ADAMTS19: variants seen among roughly 807,000 people sequenced by gnomAD.
The protein encoded by ADAMTS19 is A disintegrin and metalloproteinase with thrombospondin motifs 19.
Under a neutral mutation model 153.3 loss-of-function variants are expected in ADAMTS19, and 93 were observed. The observed-to-expected ratio is 0.61, with a 90% CI of 0.51 to 0.72. The LOEUF (loss-of-function observed/expected upper bound fraction) is 0.72, where lower values mean the gene tolerates loss of function less well. ADAMTS19 is among the 30% of genes least tolerant of loss of function. ADAMTS19 has a pLI of 0.00. For synonymous variants in ADAMTS19, 600 were observed against 556.6 expected (o/e 1.08, Z -1.10); for missense variants, 1,482 against 1,552.1 (o/e 0.95, Z 0.76).
chr5:129,488,780 A>T (rs896024096), intron 2 of ADAMTS19, among the ~76,000 whole-genome samples: 2 of 152,092 alleles, frequency 1.3e-5, no homozygotes, highest in African/African-American at 4.8e-5. Flanking sequence ...AATAATGACT[A>T]CTGAAGAAAA....
intron 21 of ADAMTS19, among the ~76,000 whole-genome samples, chr5:129,719,089 C>A (rs970531647): frequency 6.6e-6 from 1 of 151,120 alleles, no homozygotes; most frequent in African/African-American, 2.4e-5. Context: ...GTTTTTTTTT[C>A]CTTTAAGAAT....
At chr5:129,538,954 C>A (rs1255147045) in intron 6 of ADAMTS19, among the ~76,000 whole-genome samples, 1 of 152,102 alleles carries the variant, frequency 6.6e-6, no homozygotes, top group Non-Finnish European at 1.5e-5. Flanking sequence ...CCAACTTCTA[C>A]TCTGCTCTCC....
At position 129,669,176 on chromosome 5, in the gene ADAMTS19, G is replaced by A. The variant is rs137915375; in HGVS notation, c.2506+3597G>A. On this transcript the variant is annotated intron_variant, in intron 16 of 22. Transcript: ENST00000274487. Reference sequence around the variant, plus strand: ...ACAGTCTTTTTCTCCGGTGGTGCTGGGAAATCTAGATATCCACATGCAAAA... The same window carrying A: ...ACAGTCTTTTTCTCCGGTGGTGCTGAGAAATCTAGATATCCACATGCAAAA... 4.1e-3 allele frequency among the ~76,000 whole-genome samples: 628 copies of A among 151,882 alleles called. 5 individuals are homozygous for A. Among genetic ancestry groups the A allele is most frequent in the African/African-American group, 0.015 (605 of 41,442 alleles).
chr5:129,737,379 G>T lies in ADAMTS19; in HGVS notation c.*161G>T. Reference sequence around the variant, plus strand: ...AACATCCAATGTGGTGCTTGTTTTGGTTACACAAACATTTTGATTTATACT... The same window carrying T: ...AACATCCAATGTGGTGCTTGTTTTGTTTACACAAACATTTTGATTTATACT... On this transcript the variant is annotated 3_prime_UTR_variant, in exon 23 of 23. Transcript: ENST00000274487. 1.5e-6 allele frequency: 1 copy of T among 663,558 alleles called. No individual in the cohort carries two copies. Among genetic ancestry groups the T allele is most frequent in the East Asian group, 3.5e-5 (1 of 28,348 alleles). 41.1% of individuals were successfully genotyped at this position (663,558 alleles called of 1,614,324 possible).
At chr5:129,592,566 A>G (rs1274103405) in intron 7 of ADAMTS19, among the ~76,000 whole-genome samples, 1 of 152,164 alleles carries the variant, frequency 6.6e-6, no homozygotes, top group African/African-American at 2.4e-5. Context: ...TCGTGGTTAC[A>G]GTCATTCTCT....
At chr5:129,632,827 T>C (rs1752360400) in intron 10 of ADAMTS19, among the ~76,000 whole-genome samples, 1 of 152,064 alleles carries the variant, frequency 6.6e-6, no homozygotes, top group African/African-American at 2.4e-5. Context: ...AGTCTCTTTA[T>C]CTTTGGTTTT....
chr5:129,534,603 T>G (rs532360856), intron 6 of ADAMTS19, among the ~76,000 whole-genome samples: 78 of 152,226 alleles, frequency 5.1e-4, no homozygotes, highest in African/African-American at 1.8e-3. Context: ...TACCAAAGCC[T>G]GGCAGAGACA....
chr5:129,662,372 A>C (rs1455846446), intron 15 of ADAMTS19, among the ~76,000 whole-genome samples: 1 of 152,164 alleles, frequency 6.6e-6, no homozygotes. Flanking sequence ...AATTGTGCCA[A>C]ATGGCTTATT....
In ADAMTS19 at chr5:129,491,214, G is replaced by C. The variant is rs868030468; in HGVS notation, c.748-17863G>C. Among the ~76,000 whole-genome samples the C allele has an allele frequency of 1.8e-4, 28 of 152,140 alleles. 1 individual carries two copies. Among genetic ancestry groups the C allele is most frequent in the Admixed American group, 1.6e-3 (25 of 15,268 alleles). Reference sequence around the variant, plus strand: ...AGACAGGGTTTCACCATGTCAGCCAGGATGGTCTCGATCTCCTGACCTTGT... The same window carrying C: ...AGACAGGGTTTCACCATGTCAGCCACGATGGTCTCGATCTCCTGACCTTGT... On this transcript the variant is annotated intron_variant, in intron 2 of 22. Coordinates refer to ENST00000274487, the MANE Select transcript of ADAMTS19 (RefSeq NM_133638.6).
At chr5:129,500,932 T>C (rs1350642202) in intron 2 of ADAMTS19, among the ~76,000 whole-genome samples, 1 of 152,174 alleles carries the variant, frequency 6.6e-6, no homozygotes, top group African/African-American at 2.4e-5. Context: ...AGAAACAAGC[T>C]TTTCTTAAAT....
chr5:129,561,724 C>T (rs1753524709), intron 7 of ADAMTS19, among the ~76,000 whole-genome samples: 1 of 152,006 alleles, frequency 6.6e-6, no homozygotes, highest in Non-Finnish European at 1.5e-5. Flanking sequence ...GATCTTTTAA[C>T]CCTGCATGAC....
intron 21 of ADAMTS19, among the ~76,000 whole-genome samples, chr5:129,706,059 AGATATAG>A (rs1227879495): frequency 1.3e-5 from 2 of 152,276 alleles, no homozygotes; most frequent in Admixed American, 1.3e-4. Context: ...TCATCATTGA[AGATATAG>A]GATAGAATAA....
intron 18 of ADAMTS19, among the ~76,000 whole-genome samples, chr5:129,694,463 T>A (rs1398576049): frequency 2.0e-5 from 3 of 152,052 alleles, no homozygotes; most frequent in Non-Finnish European, 4.4e-5. Context: ...AATTCACATG[T>A]TCCTAGCATA....
chr5:129,606,768 A>ATT (rs945802412), intron 8 of ADAMTS19, among the ~76,000 whole-genome samples: 1 of 152,106 alleles, frequency 6.6e-6, no homozygotes, highest in Non-Finnish European at 1.5e-5. Context: ...GCCTTTATTC[A>ATT]TTTTTTTATT....
intron 2 of ADAMTS19, among the ~76,000 whole-genome samples, chr5:129,476,486 A>G (rs1300775313): frequency 6.6e-6 from 1 of 152,148 alleles, no homozygotes; most frequent in Admixed American, 6.5e-5. Flanking sequence ...ACAAATGAAC[A>G]AAACCCAAAC....
chr5:129,626,425 T>C (rs753419574), intron 10 of ADAMTS19, among the ~76,000 whole-genome samples: 5 of 152,144 alleles, frequency 3.3e-5, no homozygotes, highest in African/African-American at 4.8e-5. Context: ...TTTTCCTTGA[T>C]CTCTGAAAAT....
intron 19 of ADAMTS19, among the ~76,000 whole-genome samples, chr5:129,698,234 A>G (rs1755652723): frequency 6.6e-6 from 1 of 152,218 alleles, no homozygotes; most frequent in Admixed American, 6.5e-5. Context: ...CTGTGATGTT[A>G]GTGAGGTTAA....
At chr5:129,477,496 A>G (rs1436557735) in intron 2 of ADAMTS19, among the ~76,000 whole-genome samples, 1 of 152,198 alleles carries the variant, frequency 6.6e-6, no homozygotes, top group Non-Finnish European at 1.5e-5. Flanking sequence ...AAAGCCACTG[A>G]TGTGTATTTA....
intron 7 of ADAMTS19, among the ~76,000 whole-genome samples, chr5:129,594,791 C>G (rs1750297790): frequency 6.6e-6 from 1 of 151,864 alleles, no homozygotes; most frequent in African/African-American, 2.4e-5. Flanking sequence ...TTCTCCCCTC[C>G]TCTTCTCCCT....
Sources: allele counts gnomAD v4.1 joint callset (sites outside exome capture counted in the v4.1 genomes callset), GRCh38; gene constraint gnomAD v4.1.1; transcripts MANE v1.5; gene names NCBI Gene and HGNC (gene_info 2026-07-23, HGNC 2026-07-21).